Variants in TMEM161B observed in about 807,000 individuals in gnomAD.
The protein encoded by TMEM161B is transmembrane protein 161B.
TMEM161B carries 34 observed loss-of-function variants against 61.8 expected under a neutral mutation model. The ratio of observed to expected loss-of-function variants is 0.55; its 90% confidence interval spans 0.42 to 0.73. TMEM161B has a LOEUF of 0.73. TMEM161B is among the 30% of genes least tolerant of loss of function. The pLI is 0.00. For synonymous variants in TMEM161B, 167 were observed against 192.8 expected (o/e 0.87, Z 1.11); for missense variants, 456 against 558.5 (o/e 0.82, Z 1.85).
chr5:88,239,995 A>G (rs1219973087), intron 2 of TMEM161B, among the ~76,000 whole-genome samples: 2 of 151,936 alleles, frequency 1.3e-5, no homozygotes, highest in Non-Finnish European at 2.9e-5. Context: ...ACCTTTCACA[A>G]CTACACAGGA....
intron 11 of TMEM161B, among the ~76,000 whole-genome samples, chr5:88,197,250 C>T (rs1749810406): frequency 2.0e-5 from 3 of 152,066 alleles, no homozygotes; most frequent in South Asian, 2.1e-4. Flanking sequence ...AAATCTTCAC[C>T]GTTTCGATGT....
intron 1 of TMEM161B, among the ~76,000 whole-genome samples, chr5:88,258,414 A>G (rs1755268772): frequency 6.6e-6 from 1 of 152,144 alleles, no homozygotes; most frequent in Non-Finnish European, 1.5e-5. Flanking sequence ...AGAGGAAGGG[A>G]GGAAGGAGTA....
At chr5:88,235,492 A>T (rs1314601824) in intron 2 of TMEM161B, among the ~76,000 whole-genome samples, 3 of 152,142 alleles carry the variant, frequency 2.0e-5, no homozygotes, top group African/African-American at 7.2e-5. Flanking sequence ...GTGAGAGTGG[A>T]GCCCTCATTA....
intron 2 of TMEM161B, among the ~76,000 whole-genome samples, chr5:88,232,854 G>A (rs1751239238): frequency 6.6e-6 from 1 of 152,198 alleles, no homozygotes; most frequent in South Asian, 2.1e-4. Flanking sequence ...GATTACAGGC[G>A]TGAGCCACCG....
At chr5:88,255,250 G>A (rs1388168825) in intron 1 of TMEM161B, among the ~76,000 whole-genome samples, 1 of 152,164 alleles carries the variant, frequency 6.6e-6, no homozygotes, top group Non-Finnish European at 1.5e-5. Context: ...TGCCAAAGCT[G>A]ATAAAAGCAG....
rs1749409935 is a variant in TMEM161B at position 88,195,144 on chromosome 5, A to AAT, written c.*1066_*1067insAT. On this transcript the variant is annotated 3_prime_UTR_variant, in exon 12 of 12. Coordinates refer to ENST00000296595, the MANE Select transcript of TMEM161B (RefSeq NM_153354.5). ...AATTTTAATTTGGGAGAAACCATTA[A>AAT]GCGTCCATAAAACTTTAAATACACT... The AAT allele has an allele frequency of 1.0e-6, 1 of 985,272 alleles. No individual in the cohort carries two copies. The highest frequency in any genetic ancestry group is 1.7e-5 in the African/African-American group (1 of 57,192). 61.0% of individuals were successfully genotyped at this position (985,272 alleles called of 1,614,324 possible). A position where few individuals can be genotyped will look rare whatever the true frequency, so the allele number is the denominator to read the frequency against.
In TMEM161B at chr5:88,268,703, C is replaced by A. The variant is rs781417960; in HGVS notation, c.3+18G>T. 6.2e-7 allele frequency: 1 copy of A among 1,614,132 alleles called. No individual in the cohort carries two copies. Among genetic ancestry groups the A allele is most frequent in the Admixed American group, 1.7e-5 (1 of 60,024 alleles). On this transcript the variant is annotated intron_variant, in intron 1 of 11. Transcript: ENST00000296595. ...TTCGCCCCACCGTTGTCACTCCTGCCCTCACAGAAGAACTCACCATGGCGC... is the reference window on the plus strand; with the variant it reads ...TTCGCCCCACCGTTGTCACTCCTGCACTCACAGAAGAACTCACCATGGCGC...
At chr5:88,194,506 A>T (rs1749316620), downstream of TMEM161B, among the ~76,000 whole-genome samples, 1 of 152,046 alleles carries the variant, frequency 6.6e-6, no homozygotes, top group Non-Finnish European at 1.5e-5. Flanking sequence ...TTGGATTGAT[A>T]CCTAATGATG....
chr5:88,206,051 C>G, intron 7 of TMEM161B, 97 bp from the exon 8 acceptor site: 1 of 1,031,516 alleles, frequency 9.7e-7, no homozygotes, highest in South Asian at 1.7e-5. Context: ...ATAACAATAA[C>G]AGTAAAACAA....
At chr5:88,236,571 A>G (rs1441922539) in intron 2 of TMEM161B, among the ~76,000 whole-genome samples, 1 of 152,214 alleles carries the variant, frequency 6.6e-6, no homozygotes, top group Non-Finnish European at 1.5e-5. Flanking sequence ...TGTTAGAACA[A>G]GTGTTCCTTA....
chr5:88,245,104 C>CTA (rs1293799812), intron 1 of TMEM161B, among the ~76,000 whole-genome samples: 1 of 151,700 alleles, frequency 6.6e-6, no homozygotes, highest in Admixed American at 6.6e-5. Flanking sequence ...AAGAACAAAA[C>CTA]TAGAGGTATC....
At chr5:88,216,190 G>GA (rs1747794611) in intron 5 of TMEM161B, among the ~76,000 whole-genome samples, 1 of 152,200 alleles carries the variant, frequency 6.6e-6, no homozygotes, top group African/African-American at 2.4e-5. Flanking sequence ...AGGATACAGT[G>GA]AGTTAGGACT....
At chr5:88,225,144 T>C (rs575586224) in intron 4 of TMEM161B, among the ~76,000 whole-genome samples, 1 of 152,080 alleles carries the variant, frequency 6.6e-6, no homozygotes, top group Admixed American at 6.5e-5. Context: ...ATTTTTTGTA[T>C]TTTTAGTAGA....
chr5:88,219,353 G>C lies in TMEM161B; in HGVS notation c.446+1210C>G, dbSNP rs1748494902. The stretch of plus-strand genomic sequence containing the variant: ...AGTTAAAGCTTAAAACTAAAATCAA[G>C]GAATGGCCTTGAAAGTACATAGAAA... On this transcript the variant is annotated intron_variant, in intron 5 of 11. Coordinates refer to ENST00000296595, the MANE Select transcript of TMEM161B (RefSeq NM_153354.5). Among the ~76,000 whole-genome samples, 5 of 152,144 alleles carry C rather than the reference G, an allele frequency of 3.3e-5. No individual in the cohort carries two copies. The South Asian group carries it at 1.0e-3, about 32-fold the overall frequency.
downstream of TMEM161B, among the ~76,000 whole-genome samples, chr5:88,190,622 CCAAGGTGGAAGCT>C (rs1431806945): frequency 6.6e-6 from 1 of 152,214 alleles, no homozygotes; most frequent in African/African-American, 2.4e-5. Context: ...CCCAAACCCA[CCAAGGTGGAAGCT>C]CGCTGGTGTC....
Position 88,195,762 on chromosome 5 carries a change from A to G in TMEM161B, c.*449T>C. ...GAGTAACTAATAAATTACCAACAGAAGAGACTTTAGCCCCTTTCCCTCCCC... is the reference window on the plus strand; with the variant it reads ...GAGTAACTAATAAATTACCAACAGAGGAGACTTTAGCCCCTTTCCCTCCCC... On this transcript the variant is annotated 3_prime_UTR_variant, in exon 12 of 12. Transcript: ENST00000296595. The G allele has an allele frequency of 1.0e-6, 1 of 987,846 alleles. No homozygotes were observed. Among genetic ancestry groups the G allele is most frequent in the Non-Finnish European group, 1.2e-6 (1 of 831,470 alleles). 61.2% of individuals were successfully genotyped at this position (987,846 alleles called of 1,614,324 possible). A position where few individuals can be genotyped will look rare whatever the true frequency, so the allele number is the denominator to read the frequency against.
chr5:88,211,917 T>G (rs1190345711), intron 5 of TMEM161B, among the ~76,000 whole-genome samples: 1 of 151,900 alleles, frequency 6.6e-6, no homozygotes, highest in African/African-American at 2.4e-5. Context: ...TCAAAGAAAT[T>G]TTCTAAACTT....
At chr5:88,257,176 C>G (rs1343731631) in intron 1 of TMEM161B, among the ~76,000 whole-genome samples, 2 of 151,844 alleles carry the variant, frequency 1.3e-5, no homozygotes, top group Non-Finnish European at 2.9e-5. Context: ...GGCTGAGGCA[C>G]GAGAATCGCA....
chr5:88,264,990 T>A (rs1295110234), intron 1 of TMEM161B, among the ~76,000 whole-genome samples: 1 of 151,538 alleles, frequency 6.6e-6, no homozygotes, highest in Non-Finnish European at 1.5e-5. Context: ...ACATACAGAG[T>A]TTAAAACATA....
Sources: allele counts gnomAD v4.1 joint callset (sites outside exome capture counted in the v4.1 genomes callset), GRCh38; gene constraint gnomAD v4.1.1; transcripts MANE v1.5; gene names NCBI Gene and HGNC (gene_info 2026-07-23, HGNC 2026-07-21).